Variants in LAMA1 observed in about 807,000 individuals in gnomAD.
LAMA1 encodes laminin subunit alpha-1.
Under a neutral mutation model 348.7 loss-of-function variants are expected in LAMA1, and 219 were observed. The observed-to-expected ratio is 0.63, with a 90% CI of 0.56 to 0.70. The LOEUF (loss-of-function observed/expected upper bound fraction) is 0.70. LAMA1 is among the 30% of genes least tolerant of loss of function. The probability of loss-of-function intolerance (pLI) is 0.00; values close to 1 mark genes in which losing one functional copy is unlikely to be tolerated. For missense variants in LAMA1, 3,744 were observed against 3,888.0 expected (o/e 0.96, Z 0.99); for synonymous variants, 1,487 against 1,491.0 (o/e 1.00, Z 0.06).
intron 1 of LAMA1, among the ~76,000 whole-genome samples, chr18:7,098,746 C>T (rs1216184568): frequency 7.0e-5 from 10 of 142,784 alleles, no homozygotes; most frequent in East Asian, 2.1e-4. Context: ...CCCGGCCAGC[C>T]ACCCCGTCCA....
intron 28 of LAMA1, among the ~76,000 whole-genome samples, chr18:7,007,947 T>TATC (rs1568028376): frequency 1.1e-4 from 16 of 151,606 alleles, no homozygotes; most frequent in African/African-American, 3.2e-4. Context: ...ATTTATTTAT[T>TATC]TTTGAGACGG....
chr18:7,068,092 A>G (rs2058130636), intron 3 of LAMA1, among the ~76,000 whole-genome samples: 1 of 152,072 alleles, frequency 6.6e-6, no homozygotes, highest in Non-Finnish European at 1.5e-5. Context: ...ACCTCAGGTA[A>G]TCCACCTGCC....
intron 1 of LAMA1, among the ~76,000 whole-genome samples, chr18:7,097,858 C>A (rs1337482729): frequency 2.0e-5 from 3 of 151,372 alleles, no homozygotes; most frequent in Non-Finnish European, 3.0e-5. Context: ...CCTCTCCCCT[C>A]TCCCCACGGT....
At chr18:7,054,923 A>T (rs1485176016) in intron 3 of LAMA1, among the ~76,000 whole-genome samples, 2 of 152,208 alleles carry the variant, frequency 1.3e-5, no homozygotes, top group Non-Finnish European at 2.9e-5. Flanking sequence ...ACATAAATAC[A>T]TATATAATAC....
chr18:6,988,341 C>T (rs182796556), intron 36 of LAMA1, among the ~76,000 whole-genome samples: 2 of 152,324 alleles, frequency 1.3e-5, no homozygotes, highest in East Asian at 3.9e-4. Flanking sequence ...GTCCCATGAA[C>T]TGCCAGGCAG....
chr18:7,099,013 T>C (rs1021634610), intron 1 of LAMA1, among the ~76,000 whole-genome samples: 7 of 152,182 alleles, frequency 4.6e-5, no homozygotes, highest in Non-Finnish European at 1.0e-4. Flanking sequence ...ATGGTGGTTT[T>C]GTGGAATAGA....
At chr18:6,943,484 G>T in intron 61 of LAMA1, 82 bp from the exon 62 acceptor site, 1 of 1,126,190 alleles carries the variant, frequency 8.9e-7, no homozygotes, top group Non-Finnish European at 1.4e-6. Flanking sequence ...AGATAAAATT[G>T]CAGCATTATG....
intron 39 of LAMA1, among the ~76,000 whole-genome samples, chr18:6,984,903 C>G (rs913493720): frequency 2.6e-5 from 4 of 152,200 alleles, no homozygotes; most frequent in African/African-American, 9.6e-5. Context: ...CCACCTGCAA[C>G]CTAACAAAGC....
chr18:7,034,500 G>A lies in LAMA1; in HGVS notation c.2030C>T (p.Ser677Phe), dbSNP rs552107035. The A allele has an allele frequency of 3.6e-4, 578 of 1,614,056 alleles. 4 individuals carry two copies. The South Asian group carries it at 6.0e-3, about 17-fold the overall frequency. ...ATACCTGTAAAGAGCCATTTTTGCA[G>A]AATTGTAGTTGGCTCTGATCAAAAG... ...THLLIRANYN[S>F]AKMALYRLES... Residue 677 changes from serine (S) to phenylalanine (F), a missense_variant, in exon 14 of 63, where the codon TCT (serine) becomes TTT (phenylalanine). By Grantham distance (155) the Ser-to-Phe change is radical (BLOSUM62 -2). Transcript: ENST00000389658.
chr18:6,978,540 A>C (rs2057693865), intron 42 of LAMA1, among the ~76,000 whole-genome samples, 162 bp from the exon 43 acceptor site: 1 of 152,128 alleles, frequency 6.6e-6, no homozygotes, highest in African/African-American at 2.4e-5. Context: ...TCTTTTGGGC[A>C]GTGGTCAATG....
Position 6,975,963 on chromosome 18 carries a change from G to C in LAMA1, c.6463C>G (p.Leu2155Val), listed in dbSNP as rs777575793. The C allele has an allele frequency of 3.1e-6, 5 of 1,614,158 alleles. No homozygotes were observed. Among genetic ancestry groups the C allele is most frequent in the Non-Finnish European group, 4.2e-6 (5 of 1,180,040 alleles). The change falls in exon 45 of 63, where the codon CTC (leucine) becomes GTC (valine). Residue 2155 changes from leucine to valine, a missense_variant. Physicochemically the swap from Leu to Val is conservative, Grantham distance 32 (BLOSUM62 1). Coordinates refer to ENST00000389658, the MANE Select transcript of LAMA1 (RefSeq NM_005559.4). ...NVKTQEPDNL[L>V]FYLGSSTASD... ...GCGGTGCTGCTACCGAGGTAGAAGA[G>C]AAGATTATCGGGTTCCTGTGTCTTA...
intron 1 of LAMA1, among the ~76,000 whole-genome samples, chr18:7,108,640 CAAAAAAAA>C (rs58802341): frequency 6.7e-4 from 27 of 40,234 alleles, no homozygotes; most frequent in South Asian, 1.7e-3. Context: ...GACTCTGTCT[CAAAAAAAA>C]AAAAAAAAAA....
At chr18:7,025,833 C>A (rs1009245904) in intron 17 of LAMA1, 146 bp downstream of exon 17, 3 of 1,188,664 alleles carry the variant, frequency 2.5e-6, no homozygotes, top group African/African-American at 3.0e-5. Context: ...ATAACCCACC[C>A]CTCTGTCTTT....
At chr18:7,083,445 C>G (rs1036029479) in intron 1 of LAMA1, among the ~76,000 whole-genome samples, 3 of 151,930 alleles carry the variant, frequency 2.0e-5, no homozygotes, top group African/African-American at 7.2e-5. Context: ...CTCGGCCTCC[C>G]AAAGTGCTGG....
chr18:6,968,327 T>C (rs981482041), intron 48 of LAMA1, among the ~76,000 whole-genome samples: 1 of 152,222 alleles, frequency 6.6e-6, no homozygotes, highest in Non-Finnish European at 1.5e-5. Flanking sequence ...AATCCGGAGC[T>C]GACCTACTAG....
At chr18:7,080,186 G>A (rs1598309604) in intron 2 of LAMA1, 99 bp from the exon 3 acceptor site, 3 of 1,573,046 alleles carry the variant, frequency 1.9e-6, no homozygotes, top group East Asian at 4.5e-5. Context: ...GAGCAGTGAA[G>A]GTGAACACAA....
At chr18:7,017,446 C>T (rs1018279458) in intron 19 of LAMA1, 62 bp from the exon 20 acceptor site, 14 of 1,180,896 alleles carry the variant, frequency 1.2e-5, no homozygotes, top group Middle Eastern at 1.9e-4. Context: ...TCATAAGATC[C>T]GTCATCCCCA....
At chr18:6,948,984 C>G in intron 59 of LAMA1, 117 bp downstream of exon 59, 1 of 1,348,492 alleles carries the variant, frequency 7.4e-7, no homozygotes, top group Non-Finnish European at 1.0e-6. Flanking sequence ...AACCTCTTCA[C>G]AAGCCCCAGG....
At chr18:7,060,411 C>A (rs1021040674) in intron 3 of LAMA1, among the ~76,000 whole-genome samples, 7 of 152,174 alleles carry the variant, frequency 4.6e-5, no homozygotes, top group African/African-American at 1.7e-4. Flanking sequence ...CAAAATATGT[C>A]CTTGTCCAGT....
Sources: gnomAD v4.1 joint callset for allele counts (sites outside exome capture counted in the v4.1 genomes callset) on GRCh38, gnomAD v4.1.1 for gene constraint, MANE v1.5 for transcripts, NCBI Gene and HGNC (gene_info 2026-07-23, HGNC 2026-07-21) for gene names.